The following NDEL1 variants were observed in gnomAD, a reference collection of about 807,000 sequenced individuals.
NDEL1 encodes nuclear distribution protein nudE-like 1.
NDEL1 carries 9 observed loss-of-function variants against 45.7 expected under a neutral mutation model. The ratio of observed to expected loss-of-function variants is 0.20; its 90% CI spans 0.12 to 0.34. The LOEUF is 0.34. Ranked by LOEUF, NDEL1 falls within the 10% of genes least tolerant of loss-of-function variation. The pLI is 1.00. For missense variants in NDEL1, 306 were observed against 406.2 expected (o/e 0.75, Z 2.12); for synonymous variants, 133 against 158.6 (o/e 0.84, Z 1.21).
intron 6 of NDEL1, among the ~76,000 whole-genome samples, chr17:8,453,290 TAAAC>T (rs1044259184): frequency 2.6e-5 from 4 of 152,032 alleles, no homozygotes; most frequent in Admixed American, 1.3e-4. Flanking sequence ...AGAAGGATAA[TAAAC>T]AACAAAAAAG....
intron 7 of NDEL1, among the ~76,000 whole-genome samples, chr17:8,455,921 T>C (rs1165042106): frequency 6.6e-6 from 1 of 152,184 alleles, no homozygotes. Context: ...AGATCTGCAG[T>C]CTGAATTACT....
At chr17:8,470,924 A>G (rs4791709), downstream of NDEL1, among the ~76,000 whole-genome samples, 146,745 of 152,246 alleles carry the variant, frequency 0.96, 70,959 homozygotes, top group East Asian at 1. This position sits in a 1 kb window ranked among gnomAD's most constrained non-coding sequence, Gnocchi z 4.2. Context: ...ACTAGTGCGC[A>G]TCTCCTGAGA....
chr17:8,446,969 A>G, intron 4 of NDEL1, 67 bp downstream of exon 4: 1 of 1,534,350 alleles, frequency 6.5e-7, no homozygotes, highest in Non-Finnish European at 8.8e-7. Context: ...AATCTTTATT[A>G]GGCTCTTCCC....
chr17:8,456,030 C>T (rs1910820650), intron 7 of NDEL1, among the ~76,000 whole-genome samples: 1 of 152,218 alleles, frequency 6.6e-6, no homozygotes, highest in African/African-American at 2.4e-5. Flanking sequence ...TTTACCTCTC[C>T]TTTCAGTAAT....
chr17:8,432,861 A>T (rs1909052538), upstream of NDEL1, among the ~76,000 whole-genome samples: 1 of 152,122 alleles, frequency 6.6e-6, no homozygotes. Flanking sequence ...TTTCCTGGGC[A>T]TTTTTCCACT....
intron 7 of NDEL1, among the ~76,000 whole-genome samples, chr17:8,456,197 G>A (rs570227810): frequency 6.6e-6 from 1 of 152,206 alleles, no homozygotes. Flanking sequence ...TCATCATAGG[G>A]GTTATTTTCT....
intron 1 of NDEL1, among the ~76,000 whole-genome samples, chr17:8,422,855 C>T (rs993866943): frequency 1.3e-5 from 2 of 152,030 alleles, no homozygotes; most frequent in African/African-American, 4.8e-5. Context: ...TCTGCCTCAG[C>T]CTCCTGAGCA....
At chr17:8,425,468 A>C (rs1402538480) in intron 1 of NDEL1, among the ~76,000 whole-genome samples, 1 of 152,036 alleles carries the variant, frequency 6.6e-6, no homozygotes, top group African/African-American at 2.4e-5. Context: ...TGTGGTCCCA[A>C]GTACTTGAGA....
chr17:8,453,026 A>C (rs753901417), intron 6 of NDEL1, among the ~76,000 whole-genome samples: 1 of 152,202 alleles, frequency 6.6e-6, no homozygotes, highest in Non-Finnish European at 1.5e-5. Context: ...GGCATGAGCC[A>C]CCATGCCCAG....
At chr17:8,438,284 C>T (rs1909490099) in intron 1 of NDEL1, among the ~76,000 whole-genome samples, 1 of 152,154 alleles carries the variant, frequency 6.6e-6, no homozygotes, top group Non-Finnish European at 1.5e-5. Context: ...TATCTTCATT[C>T]TAGCTTCAGA....
rs1428572494 is a variant in NDEL1 at position 8,466,982 on chromosome 17, C to G, written c.997C>G (p.Arg333Gly). 6 of 1,614,096 alleles carry G rather than the reference C, an allele frequency of 3.7e-6. No homozygotes were observed. The African/African-American group carries it at 4.0e-5, about 11-fold the overall frequency. ...TCCTCCTCCTGGTCTGGGCTCCTCG[C>G]GTCCATCGTCAGCGCCGGGTATGCT... ...APPPPGLGSS[R>G]PSSAPGMLPL... Residue 333 changes from arginine to glycine, a missense_variant, in exon 9 of 9, where the codon CGT (arginine) becomes GGT (glycine). Arg to Gly is a moderately radical substitution (Grantham distance 125). This residue lies in a region of NDEL1 where 175 missense variants were observed against 205.2 expected (regional missense o/e 0.85). Transcript: ENST00000334527.
chr17:8,420,878 C>G (rs1196493828), intron 1 of NDEL1, among the ~76,000 whole-genome samples: 1 of 152,160 alleles, frequency 6.6e-6, no homozygotes, highest in Admixed American at 6.5e-5. Flanking sequence ...GTGGGTGTAG[C>G]TGAAGTTTTG....
intron 5 of NDEL1, among the ~76,000 whole-genome samples, 189 bp downstream of exon 5, chr17:8,448,875 T>A (rs1910270262): frequency 6.6e-6 from 1 of 152,204 alleles, no homozygotes; most frequent in South Asian, 2.1e-4. Flanking sequence ...GACTTCAGTA[T>A]GCGCCAATTT....
At chr17:8,435,121 G>GTA (rs965351215), upstream of NDEL1, among the ~76,000 whole-genome samples, 14 of 151,918 alleles carry the variant, frequency 9.2e-5, no homozygotes, top group South Asian at 4.2e-4. Context: ...ATTGTAAGAG[G>GTA]TATATATATA....
At chr17:8,459,978 C>T in intron 7 of NDEL1, 31 bp from the exon 8 acceptor site, 1 of 1,588,850 alleles carries the variant, frequency 6.3e-7, no homozygotes, top group East Asian at 2.3e-5. Context: ...ACTGTTTTGA[C>T]AACCATATCA....
At chr17:8,444,225 T>G in intron 1 of NDEL1, 35 bp from the exon 2 acceptor site, 1 of 1,333,978 alleles carries the variant, frequency 7.5e-7, no homozygotes, top group Non-Finnish European at 1.1e-6. Context: ...TTCTCTGTTC[T>G]CTAATTTGTT....
intron 1 of NDEL1, among the ~76,000 whole-genome samples, chr17:8,421,540 G>A (rs760150572): frequency 1.4e-4 from 22 of 152,264 alleles, no homozygotes; most frequent in Non-Finnish European, 2.6e-4. Context: ...GACTCTCTCC[G>A]AGCTTTCAGG....
At chr17:8,435,625 C>T (rs181883931), upstream of NDEL1, among the ~76,000 whole-genome samples, 12 of 152,376 alleles carry the variant, frequency 7.9e-5, no homozygotes, top group Admixed American at 2.0e-4. Context: ...AGGTTCCCAT[C>T]CGTCTTGGCA....
rs1162191636 is a variant in NDEL1 at position 8,422,962 on chromosome 17, C to T, written c.-13+9693C>T. On this transcript the variant is annotated intron_variant, in intron 1 of 4. Transcript: ENST00000582812. ...TGTTGGCTGGTCTTGAACTCCTGAC[C>T]TCGTGATCCACCCGCCTCAGCCTCC... 2.0e-5 allele frequency among the ~76,000 whole-genome samples: 3 copies of T among 152,202 alleles called. No homozygotes were observed. In the East Asian group the frequency reaches 5.8e-4, roughly 29 times the overall value.
Sources: allele counts gnomAD v4.1 joint callset (sites outside exome capture counted in the v4.1 genomes callset), GRCh38; gene constraint gnomAD v4.1.1; regional missense constraint gnomAD v4.1.1; non-coding constraint Gnocchi (gnomAD v3.1); transcripts MANE v1.5; gene names NCBI Gene and HGNC (gene_info 2026-07-23, HGNC 2026-07-21).